Variants in FUCA2 observed in about 807,000 individuals in gnomAD.
FUCA2 encodes the protein plasma alpha-L-fucosidase.
FUCA2 carries 41 observed loss-of-function variants against 52.6 expected under a neutral mutation model. That is an observed-to-expected ratio of 0.78 (90% CI 0.61 to 1.01). The LOEUF (loss-of-function observed/expected upper bound fraction) is 1.01. Among genes scored for constraint, FUCA2 ranks in the 50% least tolerant of loss-of-function variants. The pLI is 0.00. For synonymous variants in FUCA2, 211 were observed against 217.3 expected (o/e 0.97, Z 0.26); for missense variants, 507 against 569.5 (o/e 0.89, Z 1.12).
chr6:143,507,878 A>G lies in FUCA2; in HGVS notation c.225-454T>C, dbSNP rs1562666793. Among the ~76,000 whole-genome samples the G allele has an allele frequency of 6.6e-6, 1 of 151,912 alleles. No homozygotes were observed. The highest frequency in any genetic ancestry group is 1.5e-5 in the Non-Finnish European group (1 of 67,972). On this transcript the variant is annotated intron_variant, in intron 1 of 6. Coordinates refer to ENST00000002165, the MANE Select transcript of FUCA2 (RefSeq NM_032020.5). This position sits in a 1 kb window ranked among gnomAD's most constrained non-coding sequence, Gnocchi z 4.5. ...GAGATGTGGTTTCCATATGTTGCCC[A>G]GGCTGGTCTTAAACTCCTGGGCTCA...
chr6:143,497,627 G>T lies in FUCA2; in HGVS notation c.1155-130C>A. 1.8e-6 allele frequency: 1 copy of T among 564,640 alleles called. No homozygotes were observed. The highest frequency in any genetic ancestry group is 3.1e-6 in the Non-Finnish European group (1 of 320,588). The allele number at this position is 564,640 out of a possible 1,614,324, so 35.0% of individuals were successfully genotyped here. ...CAATGTCACCACTAATAGAAGGGAAGGAAAAATAGCCTCATGGTGGTATAA... is the reference window on the plus strand; with the variant it reads ...CAATGTCACCACTAATAGAAGGGAATGAAAAATAGCCTCATGGTGGTATAA... On this transcript the variant is annotated intron_variant, in intron 5 of 6. Transcript: ENST00000002165. This position sits in a 1 kb window ranked among gnomAD's most constrained non-coding sequence, Gnocchi z 5.3.
chr6:143,501,990 C>CT lies in FUCA2; in HGVS notation c.1095dup (p.Ala366SerfsTer4). 6.2e-7 allele frequency: 1 copy of CT among 1,613,918 alleles called. No individual in the cohort carries two copies. Among genetic ancestry groups the CT allele is most frequent in the Non-Finnish European group, 8.5e-7 (1 of 1,179,926 alleles). ...CGCCAGGTATGGGTTTCATAAATAG[C>CT]TTCTCCATTGACTTTTAGCCAGGAC... On this transcript the variant is annotated frameshift_variant, in exon 5 of 7. Transcript: ENST00000002165. LOFTEE classifies it high-confidence loss of function. The surrounding 1 kb of genome is among the most constrained non-coding windows in gnomAD (Gnocchi z 6.1).
At chr6:143,506,898 G>A in intron 2 of FUCA2, 1 of 276,004 alleles carries the variant, frequency 3.6e-6, no homozygotes, top group South Asian at 4.4e-5. Flanking sequence ...TTACAGAGAA[G>A]GGGAAGGAAA....
In FUCA2 at chr6:143,495,841, GT is replaced by G; in HGVS notation, c.1269del (p.Lys423AsnfsTer21). 1 of 1,613,578 alleles carries G rather than the reference GT, an allele frequency of 6.2e-7. No homozygotes were observed. On this transcript the variant is annotated frameshift_variant, in exon 7 of 7. Coordinates refer to ENST00000002165, the MANE Select transcript of FUCA2 (RefSeq NM_032020.5). LOFTEE classifies it low-confidence loss of function (END_TRUNC). The surrounding 1 kb of genome is among the most constrained non-coding windows in gnomAD (Gnocchi z 5.2). ...TTAAGTGGCTGTCCATGGCCCAGTA[GT>G]TTCACCTGAAATTAAAAACATACAT... is the stretch of plus-strand genomic sequence containing the variant. ...PKAILGATEV[K>X]LLGHGQPLNW... is the part of the protein sequence containing the mutation.
rs536098585 is a variant in FUCA2 at position 143,511,209 on chromosome 6, C to G, written c.224+202G>C. Among the ~76,000 whole-genome samples the G allele has an allele frequency of 6.6e-6, 1 of 152,278 alleles. No individual in the cohort carries two copies. The highest frequency in any genetic ancestry group is 2.1e-4 in the South Asian group (1 of 4,816). ...CTTACAGTCACACGGAAGAAAAATT[C>G]CCTGTTCATCCAGCAGAAGCACTTA... On this transcript the variant is annotated intron_variant, in intron 1 of 6. Transcript: ENST00000002165. This position sits in a 1 kb window ranked among gnomAD's most constrained non-coding sequence, Gnocchi z 6.3.
In FUCA2 at chr6:143,500,373, C is replaced by T. The variant is rs1003103434; in HGVS notation, c.1154+1559G>A. Among the ~76,000 whole-genome samples the T allele has an allele frequency of 1.3e-5, 2 of 152,140 alleles. No homozygotes were observed. Among genetic ancestry groups the T allele is most frequent in the African/African-American group, 4.8e-5 (2 of 41,426 alleles). Reference sequence around the variant, plus strand: ...TAGGTAGATGGCAGAATCCTTCAAACTGGAGCCGTGGAAGGGGTTCAGTTA... The same window carrying T: ...TAGGTAGATGGCAGAATCCTTCAAATTGGAGCCGTGGAAGGGGTTCAGTTA... On this transcript the variant is annotated intron_variant, in intron 5 of 6. Transcript: ENST00000002165. This position sits in a 1 kb window ranked among gnomAD's most constrained non-coding sequence, Gnocchi z 6.9.
rs1183764750 is a variant in FUCA2, at chr6:143,502,835, G to A, written c.753-270C>T. The stretch of plus-strand genomic sequence containing the variant: ...TATGATTAGAACAAAAATAAGTTAT[G>A]TAAAACATTAGCCTGGTACCCAGCA... On this transcript the variant is annotated intron_variant, in intron 3 of 6. Coordinates refer to ENST00000002165, the MANE Select transcript of FUCA2 (RefSeq NM_032020.5). The surrounding 1 kb of genome is among the most constrained non-coding windows in gnomAD (Gnocchi z 4.1). 5.6e-6 allele frequency: 2 copies of A among 356,344 alleles called. No individual in the cohort carries two copies. The highest frequency in any genetic ancestry group is 1.0e-5 in the Non-Finnish European group (2 of 196,360). The allele number at this position is 356,344 out of a possible 1,614,324, so 22.1% of individuals were successfully genotyped here.
chr6:143,503,472 C>A lies in FUCA2; in HGVS notation c.752+441G>T, dbSNP rs1780557970. On this transcript the variant is annotated intron_variant, in intron 3 of 6. Coordinates refer to ENST00000002165, the MANE Select transcript of FUCA2 (RefSeq NM_032020.5). The surrounding 1 kb of genome is among the most constrained non-coding windows in gnomAD (Gnocchi z 4.8). ...GGCTGCGATGAAGGAAAAGAGGAGA[C>A]AAACAAGGGTGACATTGGCTGGGCA... 1 of 157,236 alleles carries A rather than the reference C, an allele frequency of 6.4e-6. No individual in the cohort carries two copies. Among genetic ancestry groups the A allele is most frequent in the Non-Finnish European group, 1.4e-5 (1 of 71,492 alleles). 9.7% of individuals were successfully genotyped at this position (157,236 alleles called of 1,614,324 possible).
In FUCA2 at chr6:143,504,099, G is replaced by A. The variant is rs778849868; in HGVS notation, c.566C>T (p.Pro189Leu). 26 of 1,613,998 alleles carry A rather than the reference G, an allele frequency of 1.6e-5. No individual in the cohort carries two copies. Among genetic ancestry groups the A allele is most frequent in the African/African-American group, 2.7e-5 (2 of 74,918 alleles). ...LYYSLFEWFH[P>L]LFLEDESSSF... ...ACTGGATTCATCCTCAAGGAAGAGC[G>A]GATGAAACCATTCAAAAAGGGAATA... Residue 189 changes from proline (P) to leucine (L), a missense_variant, in exon 3 of 7, where the codon CCG becomes CTG. Pro to Leu is a moderately conservative substitution (Grantham distance 98). Transcript: ENST00000002165. This position sits in a 1 kb window ranked among gnomAD's most constrained non-coding sequence, Gnocchi z 4.4.
At position 143,507,270 on chromosome 6, in the gene FUCA2, TGGCA is replaced by T. The variant is rs1780620360; in HGVS notation, c.375_378del (p.Ala126AsnfsTer5). The T allele has an allele frequency of 6.2e-7, 1 of 1,601,938 alleles. No individual in the cohort carries two copies. The highest frequency in any genetic ancestry group is 2.3e-5 in the East Asian group (1 of 43,796). On this transcript the variant is annotated frameshift_variant, in exon 2 of 7. Coordinates refer to ENST00000002165, the MANE Select transcript of FUCA2 (RefSeq NM_032020.5). LOFTEE classifies it high-confidence loss of function. This position sits in a 1 kb window ranked among gnomAD's most constrained non-coding sequence, Gnocchi z 4.5. ...TGTTTGGAAGTTAAGACAATGTATTTGGCACCAGAGGCCTGAAAAATATCTGCCC... is the reference window on the plus strand; with the variant it reads ...TGTTTGGAAGTTAAGACAATGTATTTCCAGAGGCCTGAAAAATATCTGCCC...
rs1264620038 is a variant in FUCA2, at chr6:143,497,857, A to G, written c.1155-360T>C. Among the ~76,000 whole-genome samples, 1 of 152,210 alleles carries G rather than the reference A, an allele frequency of 6.6e-6. No individual in the cohort carries two copies. Among genetic ancestry groups the G allele is most frequent in the East Asian group, 1.9e-4 (1 of 5,192 alleles). ...ATTCATTCATTCAACAAGACAAGAT[A>G]TGCATGTGTCAATTCTGTGCCTAGT... On this transcript the variant is annotated intron_variant, in intron 5 of 6. Transcript: ENST00000002165. The surrounding 1 kb of genome is among the most constrained non-coding windows in gnomAD (Gnocchi z 5.3).
rs758608212 is a variant in FUCA2 at position 143,497,294 on chromosome 6, A to G, written c.1263+95T>C. On this transcript the variant is annotated intron_variant, in intron 6 of 6. Transcript: ENST00000002165. The surrounding 1 kb of genome is among the most constrained non-coding windows in gnomAD (Gnocchi z 5.3). ...TTTACAATTCCTTTTATGAAGTATAAGTGAAACAGTTATAAGGCTCCCCTT... is the reference window on the plus strand; with the variant it reads ...TTTACAATTCCTTTTATGAAGTATAGGTGAAACAGTTATAAGGCTCCCCTT... The G allele has an allele frequency of 1.7e-4, 134 of 796,492 alleles. No homozygotes were observed. In the South Asian group the frequency reaches 1.8e-3, roughly 11 times the overall value. 49.3% of individuals were successfully genotyped at this position (796,492 alleles called of 1,614,324 possible). A position where few individuals can be genotyped will look rare whatever the true frequency, so the allele number is the denominator to read the frequency against.
rs899926684 is a variant in FUCA2, at chr6:143,502,710, C to T, written c.753-145G>A. 3 of 681,196 alleles carry T rather than the reference C, an allele frequency of 4.4e-6. No homozygotes were observed. Among genetic ancestry groups the T allele is most frequent in the Non-Finnish European group, 7.2e-6 (3 of 418,054 alleles). 42.2% of individuals were successfully genotyped at this position (681,196 alleles called of 1,614,324 possible). On this transcript the variant is annotated intron_variant, in intron 3 of 6. Transcript: ENST00000002165. The surrounding 1 kb of genome is among the most constrained non-coding windows in gnomAD (Gnocchi z 4.1). ...AGTGGAAAGCCCATGGTTTTGAAGT[C>T]AAACAGACCTGAGTTGATTGGAGTT... is the stretch of plus-strand genomic sequence containing the variant.
In FUCA2 at chr6:143,499,447, T is replaced by C. The variant is rs1780503793; in HGVS notation, c.1155-1950A>G. ...GGCGGACACCTGTAATCCCAGCTAC[T>C]CAGGAGGCTGAGGCAGGAGAATCAC... On this transcript the variant is annotated intron_variant, in intron 5 of 6. Transcript: ENST00000002165. The surrounding 1 kb of genome is among the most constrained non-coding windows in gnomAD (Gnocchi z 6.0). Among the ~76,000 whole-genome samples, 1 of 152,066 alleles carries C rather than the reference T, an allele frequency of 6.6e-6. No individual in the cohort carries two copies. Among genetic ancestry groups the C allele is most frequent in the Non-Finnish European group, 1.5e-5 (1 of 68,010 alleles).
rs569560776 is a variant in FUCA2 at position 143,502,089 on chromosome 6, G to T, written c.997C>A (p.Leu333Ile). 1.9e-6 allele frequency: 3 copies of T among 1,611,082 alleles called. No homozygotes were observed. Among genetic ancestry groups the T allele is most frequent in the African/African-American group, 2.7e-5 (2 of 74,884 alleles). Residue 333 changes from leucine (L) to isoleucine (I), a missense_variant, in exon 5 of 7, where the codon CTT becomes ATT. Leu to Ile is a conservative substitution (Grantham distance 5). Coordinates refer to ENST00000002165, the MANE Select transcript of FUCA2 (RefSeq NM_032020.5). The surrounding 1 kb of genome is among the most constrained non-coding windows in gnomAD (Gnocchi z 4.1). Reference protein sequence around the residue: ...LVETVSCGGNLLMNIGPTLDG... With the variant: ...LVETVSCGGNILMNIGPTLDG... ...AGTGTGGGCCCAATATTCATCAAAA[G>T]ATTTCCTCCACATGAAACTGTCTCT...
chr6:143,505,260 T>C (rs9321915), intron 2 of FUCA2: 24,193 of 151,658 alleles, frequency 0.16, 2,461 homozygotes, highest in Non-Finnish European at 0.21. Flanking sequence ...GTGAAACATT[T>C]TACTCTTGGT....
rs1188082424 is a variant in FUCA2 at position 143,495,565 on chromosome 6, T to C, written c.*142A>G. ...ATGGGTAATTTAAGAAAAAATTTAGTGGGAAAAAGGGAAAGGGCTGAACTG... is the reference window on the plus strand; with the variant it reads ...ATGGGTAATTTAAGAAAAAATTTAGCGGGAAAAAGGGAAAGGGCTGAACTG... On this transcript the variant is annotated 3_prime_UTR_variant, in exon 7 of 7. Transcript: ENST00000002165. This position sits in a 1 kb window ranked among gnomAD's most constrained non-coding sequence, Gnocchi z 5.2. 4.0e-5 allele frequency: 33 copies of C among 816,088 alleles called. No individual in the cohort carries two copies. The highest frequency in any genetic ancestry group is 5.3e-5 in the Non-Finnish European group (30 of 564,276). The allele number at this position is 816,088 out of a possible 1,614,324, so 50.6% of individuals were successfully genotyped here.
At position 143,502,569 on chromosome 6, in the gene FUCA2, A is replaced by C; in HGVS notation, c.753-4T>G. On this transcript the variant is annotated splice_polypyrimidine_tract_variant and splice_region_variant and intron_variant, in intron 3 of 6. Transcript: ENST00000002165. The surrounding 1 kb of genome is among the most constrained non-coding windows in gnomAD (Gnocchi z 4.1). ...GACTACTGTGCCCCGAACTGGGCTG[A>C]AATGAAACATACAATTTTTTAAAAC... is the stretch of plus-strand genomic sequence containing the variant. 6.2e-7 allele frequency: 1 copy of C among 1,605,650 alleles called. No individual in the cohort carries two copies. Among genetic ancestry groups the C allele is most frequent in the Non-Finnish European group, 8.5e-7 (1 of 1,177,538 alleles).
At position 143,510,528 on chromosome 6, in the gene FUCA2, A is replaced by G. The variant is rs949500862; in HGVS notation, c.224+883T>C. Among the ~76,000 whole-genome samples the G allele has an allele frequency of 2.0e-5, 3 of 151,844 alleles. No individual in the cohort carries two copies. Among genetic ancestry groups the G allele is most frequent in the Non-Finnish European group, 2.9e-5 (2 of 67,970 alleles). ...GTGGCGTGCGCCTGTAGTCCCAGCT[A>G]CTCAGGAGGCTAAGGCGCGAGAATC... On this transcript the variant is annotated intron_variant, in intron 1 of 6. Coordinates refer to ENST00000002165, the MANE Select transcript of FUCA2 (RefSeq NM_032020.5). This position sits in a 1 kb window ranked among gnomAD's most constrained non-coding sequence, Gnocchi z 4.4.
Sources: allele counts gnomAD v4.1 joint callset (sites outside exome capture counted in the v4.1 genomes callset), GRCh38; gene constraint gnomAD v4.1.1; non-coding constraint Gnocchi (gnomAD v3.1); transcripts MANE v1.5; gene names NCBI Gene and HGNC (gene_info 2026-07-23, HGNC 2026-07-21).